ATP9A: variants seen among roughly 807,000 people sequenced by gnomAD.
The protein encoded by ATP9A is ATPase phospholipid transporting 9A.
Under a neutral mutation model 144.1 loss-of-function variants are expected in ATP9A, and 52 were observed. The observed-to-expected ratio is 0.36, with a 90% CI of 0.29 to 0.45. The LOEUF (loss-of-function observed/expected upper bound fraction) is 0.45. ATP9A is among the 20% of genes least tolerant of loss of function. The pLI is 1.00. For synonymous variants in ATP9A, 582 were observed against 557.4 expected (o/e 1.04, Z -0.62); for missense variants, 947 against 1,392.7 (o/e 0.68, Z 5.09).
At chr20:51,763,759 A>T (rs1346380129) in intron 1 of ATP9A, among the ~76,000 whole-genome samples, 2 of 152,164 alleles carry the variant, frequency 1.3e-5, no homozygotes, top group Non-Finnish European at 2.9e-5. Flanking sequence ...AAATCCAAAT[A>T]TATCAAGCAT....
chr20:51,655,599 A>G (rs2077383663), intron 14 of ATP9A, among the ~76,000 whole-genome samples: 1 of 152,228 alleles, frequency 6.6e-6, no homozygotes, highest in South Asian at 2.1e-4. Flanking sequence ...CACACTGACT[A>G]GAACGTCCAG....
intron 1 of ATP9A, 39 bp downstream of exon 1, chr20:51,768,263 G>A: frequency 1.6e-6 from 2 of 1,221,394 alleles, no homozygotes; most frequent in Non-Finnish European, 2.1e-6. Flanking sequence ...GGCTCCGGGA[G>A]GCGCGGACAA....
chr20:51,749,910 ATAGG>A (rs2077824307), intron 1 of ATP9A, among the ~76,000 whole-genome samples: 1 of 151,968 alleles, frequency 6.6e-6, no homozygotes, highest in African/African-American at 2.4e-5. Flanking sequence ...ACTTTGGGAG[ATAGG>A]CAGATGGCCT....
chr20:51,665,544 C>A (rs2077429183), intron 13 of ATP9A, among the ~76,000 whole-genome samples: 1 of 151,926 alleles, frequency 6.6e-6, no homozygotes, highest in Admixed American at 6.6e-5. Context: ...CATGGTGAAA[C>A]CCCGTCTCTA....
chr20:51,724,552 G>A (rs367757049), intron 3 of ATP9A, among the ~76,000 whole-genome samples: 23 of 152,116 alleles, frequency 1.5e-4, no homozygotes, highest in African/African-American at 4.8e-4. Context: ...TCTGTCCTAC[G>A]ACCTTATTCT....
At chr20:51,666,629 G>T (rs988294322) in intron 13 of ATP9A, among the ~76,000 whole-genome samples, 2 of 150,406 alleles carry the variant, frequency 1.3e-5, no homozygotes, top group African/African-American at 4.9e-5. Context: ...GCAGTGAGCC[G>T]AGATCGCACC....
intron 13 of ATP9A, among the ~76,000 whole-genome samples, chr20:51,665,772 ACC>A (rs1491018083): frequency 1.9e-4 from 28 of 151,216 alleles, no homozygotes; most frequent in Non-Finnish European, 3.1e-4. Context: ...CAGGGGAAAA[ACC>A]ATCACAAGTC....
intron 14 of ATP9A, among the ~76,000 whole-genome samples, chr20:51,639,786 A>G (rs1215746694): frequency 1.3e-5 from 2 of 152,196 alleles, no homozygotes; most frequent in Admixed American, 1.3e-4. Flanking sequence ...GAGATGGCAC[A>G]GAATTAAGAG....
chr20:51,660,697 G>A (rs546281160), intron 13 of ATP9A, among the ~76,000 whole-genome samples: 3 of 152,308 alleles, frequency 2.0e-5, no homozygotes, highest in Admixed American at 2.0e-4. Context: ...ACATCCTTAA[G>A]GCACTGAAAC....
At chr20:51,688,993 A>T in intron 9 of ATP9A, 71 bp downstream of exon 9, 2 of 1,509,214 alleles carry the variant, frequency 1.3e-6, no homozygotes, top group Non-Finnish European at 1.8e-6. Flanking sequence ...CTGACAGATG[A>T]TTATTCTAAT....
At chr20:51,607,466 A>AG (rs762319389) in intron 26 of ATP9A, 61 bp downstream of exon 26, 14 of 1,438,904 alleles carry the variant, frequency 9.7e-6, no homozygotes, top group Non-Finnish European at 1.4e-5. Context: ...ACAGGCAAGA[A>AG]GGGGACACCC....
At chr20:51,730,048 T>C in intron 1 of ATP9A, 70 bp from the exon 2 acceptor site, 1 of 1,374,846 alleles carries the variant, frequency 7.3e-7, no homozygotes, top group Non-Finnish European at 9.4e-7. Flanking sequence ...CTGCCCACTC[T>C]TCGCAGATTG....
chr20:51,639,232 G>T, intron 15 of ATP9A, 111 bp downstream of exon 15: 1 of 1,190,446 alleles, frequency 8.4e-7, no homozygotes, highest in Non-Finnish European at 1.2e-6. Context: ...TTGTTAGTCT[G>T]GGTGACAGAT....
chr20:51,689,003 T>C, intron 9 of ATP9A, 61 bp downstream of exon 9: 14 of 1,550,928 alleles, frequency 9.0e-6, no homozygotes, highest in Admixed American at 1.7e-5. Context: ...ATTATTCTAA[T>C]TACAAAAGGA....
intron 9 of ATP9A, among the ~76,000 whole-genome samples, chr20:51,681,437 T>TTTC (rs1307688350): frequency 6.6e-6 from 1 of 151,094 alleles, no homozygotes; most frequent in Admixed American, 6.6e-5. Flanking sequence ...CTTTTTTTTT[T>TTTC]TTTTTGAGGA....
intron 14 of ATP9A, among the ~76,000 whole-genome samples, chr20:51,647,271 G>A (rs987552797): frequency 1.1e-4 from 17 of 152,078 alleles, no homozygotes; most frequent in African/African-American, 3.1e-4. Flanking sequence ...TTTATAGACC[G>A]GGCACGGTGG....
intron 1 of ATP9A, among the ~76,000 whole-genome samples, chr20:51,756,370 A>C (rs564118633): frequency 1.9e-4 from 28 of 151,222 alleles, no homozygotes; most frequent in Admixed American, 3.3e-4. Context: ...GGCTCACTGC[A>C]ACCTCCGCTT....
At chr20:51,702,897 G>C (rs952140067) in intron 4 of ATP9A, among the ~76,000 whole-genome samples, 1 of 152,082 alleles carries the variant, frequency 6.6e-6, no homozygotes, top group Non-Finnish European at 1.5e-5. Flanking sequence ...TCTCAAAAAA[G>C]GGCAGGAACT....
chr20:51,603,008 GGCCATT>G (rs2077149137), intron 27 of ATP9A, among the ~76,000 whole-genome samples: 1 of 152,164 alleles, frequency 6.6e-6, no homozygotes, highest in African/African-American at 2.4e-5. Context: ...GCAAGGGATG[GGCCATT>G]GCTAGAGAGC....
Sources: allele counts gnomAD v4.1 joint callset (sites outside exome capture counted in the v4.1 genomes callset), GRCh38; gene constraint gnomAD v4.1.1; transcripts MANE v1.5; gene names NCBI Gene and HGNC (gene_info 2026-07-23, HGNC 2026-07-21).